The following RIMS2 variants were observed in gnomAD, a reference collection of about 807,000 sequenced individuals.
RIMS2 encodes the protein regulating synaptic membrane exocytosis protein 2.
RIMS2 carries 59 observed loss-of-function variants against 174.4 expected under a neutral mutation model. The ratio of observed to expected loss-of-function variants is 0.34; its 90% CI spans 0.27 to 0.42. The LOEUF is 0.42. Among genes scored for constraint, RIMS2 ranks in the 10% least tolerant of loss-of-function variants. RIMS2 has a pLI of 1.00. For synonymous variants in RIMS2, 606 were observed against 572.5 expected (o/e 1.06, Z -0.84); for missense variants, 1,620 against 1,666.3 (o/e 0.97, Z 0.48).
At chr8:103,612,720 A>T (rs1456189233) in intron 1 of RIMS2, among the ~76,000 whole-genome samples, 1 of 152,164 alleles carries the variant, frequency 6.6e-6, no homozygotes, top group Non-Finnish European at 1.5e-5. Context: ...CTGGGATTAC[A>T]GGTGCGTGCC....
At chr8:103,594,825 C>G (rs1401811070) in intron 1 of RIMS2, among the ~76,000 whole-genome samples, 2 of 151,682 alleles carry the variant, frequency 1.3e-5, no homozygotes, top group South Asian at 4.1e-4. Context: ...GTTGCCTAAC[C>G]TTCATTTACA....
chr8:104,244,425 G>A (rs891040544), intron 19 of RIMS2, among the ~76,000 whole-genome samples: 3 of 152,080 alleles, frequency 2.0e-5, no homozygotes, highest in Non-Finnish European at 1.5e-5. Context: ...TCCTATAAAA[G>A]TTAAGACTGG....
chr8:103,807,839 G>C (rs59357292), intron 3 of RIMS2, among the ~76,000 whole-genome samples: 7,376 of 151,882 alleles, frequency 0.049, 266 homozygotes, highest in African/African-American at 0.11. Context: ...AAGTAGCTAG[G>C]ATCTTTGATT....
chr8:103,953,405 G>A (rs759209625), intron 14 of RIMS2, among the ~76,000 whole-genome samples: 33 of 152,110 alleles, frequency 2.2e-4, no homozygotes, highest in Non-Finnish European at 2.5e-4. Flanking sequence ...TGGCTATCTC[G>A]GCAGAAACCC....
intron 1 of RIMS2, among the ~76,000 whole-genome samples, chr8:103,601,723 G>A (rs984515199): frequency 6.6e-6 from 1 of 151,534 alleles, no homozygotes; most frequent in Non-Finnish European, 1.5e-5. Context: ...GTTGTTTAGG[G>A]GGTCTTCTCT....
intron 14 of RIMS2, among the ~76,000 whole-genome samples, chr8:103,945,226 A>G (rs942770595): frequency 6.7e-6 from 1 of 149,498 alleles, no homozygotes; most frequent in Non-Finnish European, 1.5e-5. Flanking sequence ...GTTAAACAAC[A>G]TTACAGAAAC....
At chr8:103,741,830 C>G (rs1255103383) in intron 2 of RIMS2, among the ~76,000 whole-genome samples, 1 of 151,950 alleles carries the variant, frequency 6.6e-6, no homozygotes, top group Non-Finnish European at 1.5e-5. Flanking sequence ...AGCTAATTTC[C>G]AAAGCTGGTC....
Position 103,942,887 on chromosome 8 carries a change from A to T in RIMS2, c.2662A>T (p.Arg888Ter). 1 of 1,613,658 alleles carries T rather than the reference A, an allele frequency of 6.2e-7. No homozygotes were observed. Among genetic ancestry groups the T allele is most frequent in the Non-Finnish European group, 8.5e-7 (1 of 1,179,704 alleles). The change falls in exon 14 of 24, where the codon AGA becomes TGA. Residue 888 changes from arginine to a stop codon, truncating the protein, a stop_gained. Transcript: ENST00000504942. LOFTEE classifies it high-confidence loss of function. ...CCACCCTTCTCCATATATGCCACGA[A>T]GACAGCTCCATGGAGAGAGCCCAAC...
intron 22 of RIMS2, among the ~76,000 whole-genome samples, chr8:104,250,176 A>G (rs1483993339): frequency 3.3e-5 from 5 of 152,234 alleles, no homozygotes; most frequent in African/African-American, 1.2e-4. Context: ...CTCCAAATAC[A>G]TTGTGTAGAG....
At position 103,649,165 on chromosome 8, in the gene RIMS2, C is replaced by T. The variant is rs148392836; in HGVS notation, c.177-47921C>T. ...GGAAATTCCCTAAGCATTTGATTGT[C>T]TGAAAAGGATCCTTTTTCTCCTTCA... is the stretch of plus-strand genomic sequence containing the variant. On this transcript the variant is annotated intron_variant, in intron 1 of 23. Transcript: ENST00000504942. 4.9e-3 allele frequency among the ~76,000 whole-genome samples: 753 copies of T among 152,236 alleles called. 6 individuals are homozygous for T. The highest frequency in any genetic ancestry group is 8.4e-3 in the Non-Finnish European group (569 of 68,008).
intron 2 of RIMS2, among the ~76,000 whole-genome samples, chr8:103,728,731 G>A (rs972278746): frequency 1.0e-5 from 1 of 99,464 alleles, no homozygotes; most frequent in Non-Finnish European, 2.0e-5. Context: ...CTTTTATTTT[G>A]TTGAGGTATG....
At chr8:103,613,778 C>G (rs558654200) in intron 1 of RIMS2, among the ~76,000 whole-genome samples, 1 of 152,242 alleles carries the variant, frequency 6.6e-6, no homozygotes, top group East Asian at 1.9e-4. Flanking sequence ...AAAGCTAGTA[C>G]TGGATTCTTC....
At chr8:103,625,312 A>G (rs2095755521) in intron 1 of RIMS2, among the ~76,000 whole-genome samples, 1 of 152,196 alleles carries the variant, frequency 6.6e-6, no homozygotes, top group Non-Finnish European at 1.5e-5. Context: ...TGAATAAGGT[A>G]GATACTAAGA....
chr8:104,215,423 T>A (rs935499304), intron 19 of RIMS2, among the ~76,000 whole-genome samples: 32 of 152,236 alleles, frequency 2.1e-4, no homozygotes, highest in African/African-American at 7.7e-4. Flanking sequence ...AGTAAATGAA[T>A]AGTGAATGAA....
At chr8:103,882,196 A>G (rs1357038640) in intron 3 of RIMS2, among the ~76,000 whole-genome samples, 2 of 151,534 alleles carry the variant, frequency 1.3e-5, no homozygotes, top group East Asian at 3.9e-4. Context: ...GATGATAATA[A>G]ATGCTAAGGC....
At chr8:104,186,427 T>C (rs936028859) in intron 19 of RIMS2, among the ~76,000 whole-genome samples, 1 of 151,718 alleles carries the variant, frequency 6.6e-6, no homozygotes, top group Non-Finnish European at 1.5e-5. Context: ...TCAATATAAA[T>C]TTATTGTTTT....
chr8:103,934,667 C>T (rs930202498), intron 12 of RIMS2, among the ~76,000 whole-genome samples: 6 of 149,330 alleles, frequency 4.0e-5, no homozygotes, highest in Non-Finnish European at 8.9e-5. Flanking sequence ...ACTTACTTTT[C>T]TTTTTCCTTT....
intron 4 of RIMS2, among the ~76,000 whole-genome samples, chr8:103,905,413 C>A (rs973596961): frequency 1.3e-5 from 2 of 152,100 alleles, no homozygotes; most frequent in Non-Finnish European, 2.9e-5. Context: ...TATTGTGCCA[C>A]TTCCTTTTGG....
chr8:104,222,625 G>A (rs77737992), intron 19 of RIMS2, among the ~76,000 whole-genome samples: 9,704 of 152,258 alleles, frequency 0.064, 340 homozygotes, highest in Middle Eastern at 0.11. Flanking sequence ...TAGGTTCCGG[G>A]ATAGAGATGT....
Sources: allele counts gnomAD v4.1 joint callset (sites outside exome capture counted in the v4.1 genomes callset), GRCh38; gene constraint gnomAD v4.1.1; transcripts MANE v1.5; gene names NCBI Gene and HGNC (gene_info 2026-07-23, HGNC 2026-07-21).